ADCY5: variants seen among roughly 807,000 people sequenced by gnomAD.
The protein encoded by ADCY5 is adenylate cyclase type 5.
In ADCY5, 30 loss-of-function variants were observed where a neutral mutation model predicts 119.7. The ratio of observed to expected loss-of-function variants is 0.25; its 90% CI spans 0.19 to 0.34. The LOEUF (loss-of-function observed/expected upper bound fraction) is 0.34, where lower values mean the gene tolerates loss of function less well. Ranked by LOEUF, ADCY5 falls within the 10% of genes least tolerant of loss-of-function variation. The pLI, the probability that ADCY5 is intolerant of heterozygous loss-of-function variation, is 1.00. For synonymous variants in ADCY5, 753 were observed against 762.2 expected, an observed-to-expected ratio of 0.99 and a Z score of 0.20; for missense variants, 1,324 against 1,775.2, an observed-to-expected ratio of 0.75 and a Z score of 4.57.
chr3:123,336,560 G>A (rs936855849), intron 3 of ADCY5, among the ~76,000 whole-genome samples: 1 of 152,152 alleles, frequency 6.6e-6, no homozygotes, highest in African/African-American at 2.4e-5. Flanking sequence ...CCCTAATCTA[G>A]CAGAGGTAGG....
intron 1 of ADCY5, among the ~76,000 whole-genome samples, chr3:123,394,218 A>G (rs866252072): frequency 6.6e-6 from 1 of 152,210 alleles, no homozygotes; most frequent in African/African-American, 2.4e-5. Flanking sequence ...ACTCAATTTG[A>G]TTTTAAAACA....
intron 1 of ADCY5, among the ~76,000 whole-genome samples, chr3:123,431,593 G>A (rs1478925515): frequency 2.0e-5 from 3 of 152,216 alleles, no homozygotes; most frequent in South Asian, 2.1e-4. Context: ...TCAGCCATGT[G>A]TAACAGTCAT....
At chr3:123,303,893 G>GAAGAAAAGAA (rs1553721264) in intron 13 of ADCY5, among the ~76,000 whole-genome samples, 174 bp downstream of exon 13, 4 of 117,186 alleles carry the variant, frequency 3.4e-5, no homozygotes, top group African/African-American at 1.4e-4. Context: ...GAAGAGAAGA[G>GAAGAAAAGAA]AAGAAAGAAC....
At chr3:123,436,284 G>T (rs1945614844) in intron 1 of ADCY5, among the ~76,000 whole-genome samples, 1 of 151,804 alleles carries the variant, frequency 6.6e-6, no homozygotes, top group Non-Finnish European at 1.5e-5. Context: ...GAGGTGGGAG[G>T]ATTGCTTGAG....
intron 1 of ADCY5, among the ~76,000 whole-genome samples, chr3:123,383,830 G>GCA (rs745675506): frequency 4.7e-5 from 7 of 149,776 alleles, no homozygotes; most frequent in South Asian, 2.1e-4. Context: ...AGGTGCACGT[G>GCA]CACACACACA....
At chr3:123,438,146 T>C (rs1309503208) in intron 1 of ADCY5, among the ~76,000 whole-genome samples, 1 of 152,178 alleles carries the variant, frequency 6.6e-6, no homozygotes, top group Non-Finnish European at 1.5e-5. Context: ...CCCTGAAGAA[T>C]TGTATCCTAA....
chr3:123,395,930 A>AGAAGGAAGGAAGGAAGGAAGGAAGGAAG (rs909657839), intron 1 of ADCY5, among the ~76,000 whole-genome samples: 2 of 146,244 alleles, frequency 1.4e-5, no homozygotes, highest in African/African-American at 5.0e-5. Context: ...AGGAGTGGAG[A>AGAAGGAAGGAAGGAAGGAAGGAAGGAAG]GAAGGAAGGA....
At chr3:123,382,635 C>T (rs1283266358) in intron 1 of ADCY5, among the ~76,000 whole-genome samples, 1 of 152,170 alleles carries the variant, frequency 6.6e-6, no homozygotes, top group African/African-American at 2.4e-5. Context: ...GGATAAGCCT[C>T]AAAAACATTA....
chr3:123,439,216 C>T (rs986102529), intron 1 of ADCY5, among the ~76,000 whole-genome samples: 2 of 151,520 alleles, frequency 1.3e-5, no homozygotes, highest in African/African-American at 4.9e-5. Flanking sequence ...TACAGGCGCC[C>T]GCCACCACGC....
At chr3:123,359,331 A>AATACATATATATATATATATATAT (rs1476687771) in intron 1 of ADCY5, among the ~76,000 whole-genome samples, 2 of 109,776 alleles carry the variant, frequency 1.8e-5, no homozygotes, top group African/African-American at 7.4e-5. Flanking sequence ...CTTATACTAA[A>AATACATATATATATATATATATAT]ATATATATAT....
intron 1 of ADCY5, among the ~76,000 whole-genome samples, chr3:123,369,343 T>G (rs759632638): frequency 1.3e-5 from 2 of 152,226 alleles, no homozygotes; most frequent in Non-Finnish European, 2.9e-5. Context: ...TTACCCAGCC[T>G]GTGGTGTTCA....
chr3:123,402,687 A>T lies in ADCY5; in HGVS notation c.1134+44725T>A, dbSNP rs113067563. Reference sequence around the variant, plus strand: ...AACACGGTGAAACCCCGTCTCTACTAAAAATACAAAAAAAAATTAGTCAGG... The same window carrying T: ...AACACGGTGAAACCCCGTCTCTACTTAAAATACAAAAAAAAATTAGTCAGG... On this transcript the variant is annotated intron_variant, in intron 1 of 20. Coordinates refer to ENST00000462833, the MANE Select transcript of ADCY5 (RefSeq NM_183357.3). Among the ~76,000 whole-genome samples the T allele has an allele frequency of 3.1e-3, 469 of 152,152 alleles. 4 individuals are homozygous for T. Among genetic ancestry groups the T allele is most frequent in the African/African-American group, 0.011 (450 of 41,514 alleles).
intron 13 of ADCY5, among the ~76,000 whole-genome samples, chr3:123,303,582 C>T (rs4072921): frequency 0.26 from 39,397 of 151,954 alleles, 5,543 homozygotes; most frequent in African/African-American, 0.35. Context: ...GAGGCCGAGG[C>T]CCGCGGATCA....
rs1366896311 is a variant in ADCY5, at chr3:123,286,546, G to GCGT, written c.3657+136_3657+138dup. On this transcript the variant is annotated intron_variant, in intron 20 of 20. Coordinates refer to ENST00000462833, the MANE Select transcript of ADCY5 (RefSeq NM_183357.3). The surrounding 1 kb of genome is among the most constrained non-coding windows in gnomAD (Gnocchi z 4.2). ...TGTTCTCCAAGCTTCCAAGACATCAGCGTCAACAGCCCCATCACCCTTGAA... is the reference window on the plus strand; with the variant it reads ...TGTTCTCCAAGCTTCCAAGACATCAGCGTCGTCAACAGCCCCATCACCCTTGAA... The GCGT allele has an allele frequency of 1.7e-6, 2 of 1,208,874 alleles. No homozygotes were observed. The highest frequency in any genetic ancestry group is 2.3e-6 in the Non-Finnish European group (2 of 877,496). The allele number at this position is 1,208,874 out of a possible 1,614,324, so 74.9% of individuals were successfully genotyped here. A position where few individuals can be genotyped will look rare whatever the true frequency, so the allele number is the denominator to read the frequency against.
rs190799219 is a variant in ADCY5 at position 123,444,030 on chromosome 3, C to A, written c.1134+3382G>T. Among the ~76,000 whole-genome samples, 17 of 152,290 alleles carry A rather than the reference C, an allele frequency of 1.1e-4. No individual in the cohort carries two copies. The East Asian group carries it at 3.3e-3, about 29-fold the overall frequency. ...TAAGCATATGTAATAGTTGTGTGAG[C>A]ATGCTTGTTTTTGTGTGAGTGCGTG... On this transcript the variant is annotated intron_variant, in intron 1 of 20. Transcript: ENST00000462833.
At chr3:123,311,684 G>A (rs1195132853) in intron 12 of ADCY5, among the ~76,000 whole-genome samples, 1 of 152,206 alleles carries the variant, frequency 6.6e-6, no homozygotes. Context: ...TGGACCACCA[G>A]CCCAGAGCGG....
intron 8 of ADCY5, among the ~76,000 whole-genome samples, chr3:123,324,067 G>T (rs1417885077): frequency 3.3e-5 from 5 of 152,098 alleles, no homozygotes; most frequent in Non-Finnish European, 5.9e-5. Flanking sequence ...GGAAGGCCAG[G>T]TTTCTCCACT....
intron 1 of ADCY5, among the ~76,000 whole-genome samples, chr3:123,403,583 G>A (rs1944830407): frequency 6.6e-6 from 1 of 152,128 alleles, no homozygotes; most frequent in Non-Finnish European, 1.5e-5. Flanking sequence ...GTGAACAAGT[G>A]AGGTGCGCAA....
rs149775261 is a variant in ADCY5, at chr3:123,291,187, C to T, written c.3253G>A (p.Val1085Ile). The T allele has an allele frequency of 6.4e-4, 1,037 of 1,614,094 alleles. No homozygotes were observed. The highest frequency in any genetic ancestry group is 8.3e-4 in the Non-Finnish European group (984 of 1,180,046). The change falls in exon 18 of 21, where the codon GTT becomes ATT. Residue 1085 changes from valine (V) to isoleucine (I), a missense_variant. Physicochemically the swap from Val to Ile is conservative, Grantham distance 29. Around this residue, in one of 6 missense-constraint regions of ADCY5, gnomAD observed 178 missense variants for 329.6 expected, o/e 0.54. Transcript: ENST00000462833. ...ASIANFSEFY[V>I]ELEANNEGVE... ...CCCTCGTTGTTGGCCTCCAGCTCAACGTAGAACTCGGAGAAGTTGGCGATG... is the reference window on the plus strand; with the variant it reads ...CCCTCGTTGTTGGCCTCCAGCTCAATGTAGAACTCGGAGAAGTTGGCGATG...
Sources: allele counts gnomAD v4.1 joint callset (sites outside exome capture counted in the v4.1 genomes callset), GRCh38; gene constraint gnomAD v4.1.1; regional missense constraint gnomAD v4.1.1; non-coding constraint Gnocchi (gnomAD v3.1); transcripts MANE v1.5; gene names NCBI Gene and HGNC (gene_info 2026-07-23, HGNC 2026-07-21).